Variants in DPYD observed in about 807,000 individuals in gnomAD.
DPYD encodes dihydropyrimidine dehydrogenase, also known as dihydropyrimidine dehydrogenase [NADP(+)].
In DPYD, 109 loss-of-function variants were observed where a neutral mutation model predicts 116.2. The ratio of observed to expected loss-of-function variants is 0.94; its 90% CI spans 0.80 to 1.10. DPYD has a LOEUF of 1.10. DPYD is among the 50% of genes least tolerant of loss of function. DPYD has a pLI of 0.00. For missense variants in DPYD, 1,302 were observed against 1,254.5 expected (o/e 1.04, Z -0.57); for synonymous variants, 440 against 432.0 (o/e 1.02, Z -0.23).
At chr1:97,323,593 C>T (rs867811936) in intron 16 of DPYD, among the ~76,000 whole-genome samples, 2 of 59,598 alleles carry the variant, frequency 3.4e-5, no homozygotes, top group South Asian at 1.3e-3. Flanking sequence ...ATCATATATA[C>T]ATATATGTGT....
intron 18 of DPYD, among the ~76,000 whole-genome samples, chr1:97,297,607 T>A (rs564687509): frequency 6.6e-6 from 1 of 152,258 alleles, no homozygotes; most frequent in South Asian, 2.1e-4. Context: ...TCTCCTCCCT[T>A]CCACTAATAA....
intron 3 of DPYD, among the ~76,000 whole-genome samples, chr1:97,826,217 G>A (rs970971898): frequency 6.6e-6 from 1 of 152,140 alleles, no homozygotes; most frequent in African/African-American, 2.4e-5. Flanking sequence ...TTAAAAAACA[G>A]GACATCCTGG....
chr1:97,081,782 T>C (rs1649175070), intron 22 of DPYD, among the ~76,000 whole-genome samples: 1 of 150,906 alleles, frequency 6.6e-6, no homozygotes, highest in Non-Finnish European at 1.5e-5. Flanking sequence ...GGAAAGTAGC[T>C]ATGGCTCACT....
At chr1:97,806,209 T>C (rs1453208509) in intron 3 of DPYD, among the ~76,000 whole-genome samples, 1 of 151,892 alleles carries the variant, frequency 6.6e-6, no homozygotes, top group Non-Finnish European at 1.5e-5. Flanking sequence ...AGTTTCAAAA[T>C]ATAATCTTAC....
chr1:97,520,674 G>A (rs1268703143), intron 12 of DPYD, among the ~76,000 whole-genome samples: 3 of 150,574 alleles, frequency 2.0e-5, no homozygotes, highest in African/African-American at 7.3e-5. Flanking sequence ...CCCTCCCTGT[G>A]TCCATGTGTT....
intron 5 of DPYD, among the ~76,000 whole-genome samples, chr1:97,700,035 T>A (rs1661509861): frequency 6.6e-6 from 1 of 152,020 alleles, no homozygotes; most frequent in South Asian, 2.1e-4. Flanking sequence ...TTATGACAGA[T>A]TAACTTTGGG....
chr1:97,417,283 A>G (rs1226044264), intron 14 of DPYD, among the ~76,000 whole-genome samples: 1 of 152,076 alleles, frequency 6.6e-6, no homozygotes, highest in Non-Finnish European at 1.5e-5. Flanking sequence ...AAGCATTTCT[A>G]TTTGTTTATT....
intron 7 of DPYD, 85 bp downstream of exon 7, chr1:97,691,632 T>C: frequency 8.6e-7 from 1 of 1,167,014 alleles, no homozygotes; most frequent in South Asian, 1.3e-5. Context: ...TTTCCTAAAA[T>C]GCATGACATT....
In DPYD at chr1:97,410,191, TTCTC is replaced by T. The variant is rs541567651; in HGVS notation, c.1906-27734_1906-27731del. On this transcript the variant is annotated intron_variant, in intron 14 of 22. Coordinates refer to ENST00000370192, the MANE Select transcript of DPYD (RefSeq NM_000110.4). Reference sequence around the variant, plus strand: ...TTCTTATTTAATATATTTATTGTCTTTCTCTCTGCAGCTGAAATGTAAGCTCCAA... The same window carrying T: ...TTCTTATTTAATATATTTATTGTCTTTCTGCAGCTGAAATGTAAGCTCCAA... Among the ~76,000 whole-genome samples, 32 of 152,302 alleles carry T rather than the reference TTCTC, an allele frequency of 2.1e-4. No homozygotes were observed. In the East Asian group the frequency reaches 5.4e-3, roughly 26 times the overall value.
chr1:97,590,069 C>T lies in DPYD; in HGVS notation c.1128+3149G>A, dbSNP rs114816805. 2.8e-3 allele frequency among the ~76,000 whole-genome samples: 426 copies of T among 152,280 alleles called. 1 individual carries two copies. The highest frequency in any genetic ancestry group is 4.5e-3 in the Non-Finnish European group (309 of 68,022). ...TGATATTGGACCTGTACTCTCCTGACTTTCCAGTTTCATGAGTGTTAGCAC... is the reference window on the plus strand; with the variant it reads ...TGATATTGGACCTGTACTCTCCTGATTTTCCAGTTTCATGAGTGTTAGCAC... On this transcript the variant is annotated intron_variant, in intron 10 of 22. Transcript: ENST00000370192.
At position 97,235,984 on chromosome 1, in the gene DPYD, T is replaced by C. The variant is rs1038165403; in HGVS notation, c.2300-990A>G. 2.6e-5 allele frequency among the ~76,000 whole-genome samples: 4 copies of C among 152,338 alleles called. No homozygotes were observed. In the East Asian group the frequency reaches 7.7e-4, roughly 29 times the overall value. On this transcript the variant is annotated intron_variant, in intron 18 of 22. Transcript: ENST00000370192. ...TTACCAGTATATTATTCCCTAATAG[T>C]AATAAAAATTGTATGGATAGAAAGA...
chr1:97,663,122 A>T (rs1557868804), intron 8 of DPYD, among the ~76,000 whole-genome samples: 1 of 152,216 alleles, frequency 6.6e-6, no homozygotes, highest in African/African-American at 2.4e-5. Flanking sequence ...TGCCACTAGC[A>T]TCATTTGCCA....
intron 20 of DPYD, among the ~76,000 whole-genome samples, chr1:97,124,625 C>A (rs1375764851): frequency 6.6e-6 from 1 of 152,038 alleles, no homozygotes; most frequent in Admixed American, 6.6e-5. Flanking sequence ...TTTAACCTTC[C>A]TATTTGGCCA....
chr1:97,710,971 A>G (rs1662250539), intron 5 of DPYD, among the ~76,000 whole-genome samples: 1 of 151,860 alleles, frequency 6.6e-6, no homozygotes, highest in Non-Finnish European at 1.5e-5. Context: ...TTAAATACCA[A>G]CACTGAAAAT....
At chr1:97,373,408 T>C (rs906253561) in intron 16 of DPYD, among the ~76,000 whole-genome samples, 153 bp downstream of exon 16, 1 of 152,352 alleles carries the variant, frequency 6.6e-6, no homozygotes, top group East Asian at 1.9e-4. Flanking sequence ...ATTTTCCACT[T>C]TTTAAACACT....
chr1:97,192,010 T>C (rs895528164), intron 20 of DPYD, among the ~76,000 whole-genome samples: 1 of 152,184 alleles, frequency 6.6e-6, no homozygotes, highest in Non-Finnish European at 1.5e-5. Context: ...GAGTCATTCA[T>C]CATGACATTT....
At chr1:97,720,244 T>C in intron 5 of DPYD, 1 of 985,024 alleles carries the variant, frequency 1.0e-6, no homozygotes, top group Non-Finnish European at 1.2e-6. Flanking sequence ...TTTAATTCAT[T>C]TTGTTTTAAA....
At chr1:97,268,360 T>A (rs1664364615) in intron 18 of DPYD, among the ~76,000 whole-genome samples, 1 of 152,108 alleles carries the variant, frequency 6.6e-6, no homozygotes, top group Admixed American at 6.5e-5. Flanking sequence ...TACTAAGTAA[T>A]GTCAAAGTGG....
intron 16 of DPYD, among the ~76,000 whole-genome samples, chr1:97,307,084 T>A (rs1667217769): frequency 6.6e-6 from 1 of 151,924 alleles, no homozygotes; most frequent in African/African-American, 2.4e-5. Flanking sequence ...CAAACACCTA[T>A]CCTCTCCATT....
Sources: gnomAD v4.1 joint callset for allele counts (sites outside exome capture counted in the v4.1 genomes callset) on GRCh38, gnomAD v4.1.1 for gene constraint, MANE v1.5 for transcripts, NCBI Gene and HGNC (gene_info 2026-07-23, HGNC 2026-07-21) for gene names.